The following COL4A2 variants were observed in gnomAD, a reference collection of about 807,000 sequenced individuals.
COL4A2 encodes collagen type IV alpha 2 chain.
In COL4A2, 99 loss-of-function variants were observed where a neutral mutation model predicts 200.2. The observed-to-expected ratio is 0.49, with a 90% CI of 0.42 to 0.58. The LOEUF (loss-of-function observed/expected upper bound fraction) is 0.58. COL4A2 is among the 20% of genes least tolerant of loss of function. The probability of loss-of-function intolerance (pLI) is 0.00; values close to 1 mark genes in which losing one functional copy is unlikely to be tolerated. For missense variants in COL4A2, 1,950 were observed against 2,314.1 expected, an observed-to-expected ratio of 0.84 and a Z score of 3.23; for synonymous variants, 897 against 900.6, an observed-to-expected ratio of 1.00 and a Z score of 0.07.
intron 4 of COL4A2, among the ~76,000 whole-genome samples, chr13:110,388,521 G>A (rs1264167942): frequency 6.6e-6 from 1 of 152,206 alleles, no homozygotes; most frequent in Non-Finnish European, 1.5e-5. Context: ...AGAGCAAGAT[G>A]AATGCTGTTG....
At chr13:110,440,954 C>T (rs1487832597) in intron 16 of COL4A2, among the ~76,000 whole-genome samples, 1 of 152,244 alleles carries the variant, frequency 6.6e-6, no homozygotes, top group Non-Finnish European at 1.5e-5. Flanking sequence ...TCGGCAGGTA[C>T]ACATCTGCCT....
At chr13:110,344,156 CAT>C (rs1332583069) in intron 3 of COL4A2, among the ~76,000 whole-genome samples, 2 of 152,142 alleles carry the variant, frequency 1.3e-5, no homozygotes, top group Non-Finnish European at 2.9e-5. Context: ...CTAAATGTAA[CAT>C]GTGAAACTCT....
At chr13:110,322,563 A>T (rs1885303416) in intron 3 of COL4A2, among the ~76,000 whole-genome samples, 1 of 152,118 alleles carries the variant, frequency 6.6e-6, no homozygotes, top group Admixed American at 6.5e-5. Flanking sequence ...GAACCCCGGG[A>T]GGGGCTGTGA....
chr13:110,422,214 G>A (rs554706346), intron 4 of COL4A2, among the ~76,000 whole-genome samples: 158 of 152,308 alleles, frequency 1.0e-3, no homozygotes, highest in African/African-American at 3.1e-3. Context: ...GTAATCTTAA[G>A]AAGGTTATAG....
intron 3 of COL4A2, among the ~76,000 whole-genome samples, chr13:110,331,470 A>G (rs1875910689): frequency 6.6e-6 from 1 of 152,312 alleles, no homozygotes; most frequent in East Asian, 1.9e-4. Context: ...GCCTTGGCCC[A>G]TGCAGACTCA....
In COL4A2 at chr13:110,372,444, T is replaced by C. The variant is rs868822679; in HGVS notation, c.180+14892T>C. On this transcript the variant is annotated intron_variant, in intron 4 of 47. Coordinates refer to ENST00000360467, the MANE Select transcript of COL4A2 (RefSeq NM_001846.4). ...AAATGAGAAGTGTCATCCTGTAGAG[T>C]TTCTCTTCTCTGGAATTTGTCTTGT... Among the ~76,000 whole-genome samples the C allele has an allele frequency of 2.6e-5, 4 of 152,178 alleles. No individual in the cohort carries two copies. In the South Asian group the frequency reaches 8.3e-4, roughly 32 times the overall value.
At chr13:110,445,686 CAG>C (rs1881294262) in intron 16 of COL4A2, 141 bp from the exon 17 acceptor site, 1 of 1,103,822 alleles carries the variant, frequency 9.1e-7, no homozygotes, top group Non-Finnish European at 1.3e-6. Flanking sequence ...AGACCCAAGT[CAG>C]GGAAAATTGA....
intron 4 of COL4A2, among the ~76,000 whole-genome samples, chr13:110,380,144 A>G (rs971138834): frequency 1.3e-5 from 2 of 152,216 alleles, no homozygotes; most frequent in African/African-American, 4.8e-5. Context: ...CAAAGAGCAC[A>G]TTAGTCATGG....
chr13:110,355,166 C>G (rs1019745272), intron 3 of COL4A2, among the ~76,000 whole-genome samples: 9 of 152,256 alleles, frequency 5.9e-5, no homozygotes, highest in Non-Finnish European at 2.9e-5. Context: ...AGAAGCCAGC[C>G]TTGTCCAGGG....
chr13:110,321,058 T>G (rs1401257046), intron 3 of COL4A2, among the ~76,000 whole-genome samples: 1 of 152,208 alleles, frequency 6.6e-6, no homozygotes, highest in Admixed American at 6.5e-5. Flanking sequence ...AAATAAAATC[T>G]TGGCACATTA....
intron 3 of COL4A2, among the ~76,000 whole-genome samples, chr13:110,319,241 C>T (rs1885221243): frequency 1.3e-5 from 2 of 152,162 alleles, no homozygotes; most frequent in Non-Finnish European, 1.5e-5. Flanking sequence ...TGCCTTGAGA[C>T]GGTTATTTCC....
intron 29 of COL4A2, among the ~76,000 whole-genome samples, chr13:110,473,961 C>CAA (rs10626415): frequency 0.3 from 43,816 of 146,368 alleles, 6,523 homozygotes; most frequent in East Asian, 0.43. Flanking sequence ...CCCATTTCTA[C>CAA]AAAAAAAAAA....
chr13:110,490,838 A>G (rs952732277), intron 36 of COL4A2, among the ~76,000 whole-genome samples: 3 of 152,160 alleles, frequency 2.0e-5, no homozygotes, highest in African/African-American at 7.2e-5. Context: ...TTTTGCTGTT[A>G]CCTTTGAACA....
At chr13:110,462,536 C>A in intron 24 of COL4A2, 152 bp downstream of exon 24, 1 of 668,510 alleles carries the variant, frequency 1.5e-6, no homozygotes, top group Non-Finnish European at 2.5e-6. Flanking sequence ...TTCTAATGAG[C>A]AGAAATCAGA....
intron 4 of COL4A2, among the ~76,000 whole-genome samples, chr13:110,409,332 TC>T (rs1447391821): frequency 6.6e-6 from 1 of 152,204 alleles, no homozygotes; most frequent in Non-Finnish European, 1.5e-5. Context: ...ATATGGATAT[TC>T]CAACCGCAAA....
chr13:110,363,899 C>T (rs915185123), intron 4 of COL4A2, among the ~76,000 whole-genome samples: 2 of 152,164 alleles, frequency 1.3e-5, no homozygotes, highest in African/African-American at 2.4e-5. Flanking sequence ...TGGGGTTTCA[C>T]CATGTTGGCC....
intron 41 of COL4A2, among the ~76,000 whole-genome samples, chr13:110,502,014 A>T (rs959912133): frequency 2.0e-5 from 3 of 152,210 alleles, no homozygotes; most frequent in Non-Finnish European, 4.4e-5. Context: ...AATAGCAGAT[A>T]TTCAAACTGC....
At chr13:110,351,545 C>T (rs894452103) in intron 3 of COL4A2, among the ~76,000 whole-genome samples, 2 of 152,224 alleles carry the variant, frequency 1.3e-5, no homozygotes, top group Admixed American at 6.5e-5. Context: ...GCTTTGGACA[C>T]TTATTTCCTA....
At chr13:110,311,202 C>G (rs554037807) in intron 3 of COL4A2, among the ~76,000 whole-genome samples, 1 of 152,302 alleles carries the variant, frequency 6.6e-6, no homozygotes, top group South Asian at 2.1e-4. Context: ...AAGACCCTTC[C>G]CAAAGGGAGG....
Sources: allele counts gnomAD v4.1 joint callset (sites outside exome capture counted in the v4.1 genomes callset), GRCh38; gene constraint gnomAD v4.1.1; transcripts MANE v1.5; gene names NCBI Gene and HGNC (gene_info 2026-07-23, HGNC 2026-07-21).